Variants in NUP214 observed in about 807,000 individuals in gnomAD.
NUP214 encodes nucleoporin 214.
NUP214 carries 79 observed loss-of-function variants against 196.2 expected under a neutral mutation model. The ratio of observed to expected loss-of-function variants is 0.40; its 90% confidence interval spans 0.34 to 0.49. The LOEUF (loss-of-function observed/expected upper bound fraction) is 0.49. Among genes scored for constraint, NUP214 ranks in the 20% least tolerant of loss-of-function variants. NUP214 has a pLI of 0.58. For missense variants in NUP214, 2,468 were observed against 2,539.0 expected (o/e 0.97, Z 0.60); for synonymous variants, 1,020 against 990.5 (o/e 1.03, Z -0.56).
Position 131,174,660 on chromosome 9 carries a change from G to T in NUP214, c.3157+342G>T, listed in dbSNP as rs902613668. On this transcript the variant is annotated intron_variant, in intron 22 of 35. Coordinates refer to ENST00000359428, the MANE Select transcript of NUP214 (RefSeq NM_005085.4). ...GACGGGGTTTCACCATGTTGTGTTG[G>T]CCAGGCTGGTCTCAAACTCCTGACC... Among the ~76,000 whole-genome samples, 7 of 151,778 alleles carry T rather than the reference G, an allele frequency of 4.6e-5. No homozygotes were observed. In the East Asian group the frequency reaches 1.4e-3, roughly 29 times the overall value.
chr9:131,153,350 A>G (rs1832329701), intron 17 of NUP214: 1 of 151,980 alleles, frequency 6.6e-6, no homozygotes, highest in Admixed American at 6.6e-5. Context: ...AACTTACTGA[A>G]AATTAAAAAA....
rs545444168 is a variant in NUP214 at position 131,170,087 on chromosome 9, C to G, written c.2894-3968C>G. ...ACGTTCTGGAGATAGATGGTAGTCA[C>G]GGTTATACAACATTAGGAATGTATT... On this transcript the variant is annotated intron_variant, in intron 21 of 35. Transcript: ENST00000359428. Among the ~76,000 whole-genome samples, 9 of 151,948 alleles carry G rather than the reference C, an allele frequency of 5.9e-5. No homozygotes were observed. In the South Asian group the frequency reaches 1.9e-3, roughly 32 times the overall value.
intron 21 of NUP214, among the ~76,000 whole-genome samples, chr9:131,171,596 A>G (rs926035027): frequency 1.4e-5 from 2 of 148,018 alleles, no homozygotes; most frequent in Non-Finnish European, 3.0e-5. Context: ...GTACATGTGC[A>G]CAATGTGCAG....
chr9:131,136,826 TAG>T lies in NUP214; in HGVS notation c.1005+825_1005+826del, dbSNP rs774292364. The T allele has an allele frequency of 7.9e-5, 12 of 152,358 alleles. No individual in the cohort carries two copies. In the East Asian group the frequency reaches 1.9e-3, roughly 24 times the overall value. The allele number at this position is 152,358 out of a possible 1,614,324, so 9.4% of individuals were successfully genotyped here. A position where few individuals can be genotyped will look rare whatever the true frequency, so the allele number is the denominator to read the frequency against. ...ACTTGTAGATTTTGCAGAATGACTG[TAG>T]AGAGGGCACAACGAAAGAAGGGAAA... On this transcript the variant is annotated intron_variant, in intron 9 of 35. Coordinates refer to ENST00000359428, the MANE Select transcript of NUP214 (RefSeq NM_005085.4).
chr9:131,135,038 C>G (rs1476456511), intron 8 of NUP214, 34 bp downstream of exon 8: 2 of 1,411,358 alleles, frequency 1.4e-6, no homozygotes, highest in East Asian at 2.3e-5. Flanking sequence ...CATTCCTGCT[C>G]TCACTGGAAG....
chr9:131,134,952 G>A lies in NUP214; in HGVS notation c.886G>A (p.Gly296Ser). Reference protein sequence around the residue: ...IFVNFMEPCYGSCTERQHHYY... With the variant: ...IFVNFMEPCYSSCTERQHHYY... ...TGTGAACTTTATGGAGCCCTGTTAT[G>A]GCAGCTGCACGGAGAGACAGCATCA... The change falls in exon 8 of 36, where the codon GGC (glycine) becomes AGC (serine). Residue 296 changes from glycine (G) to serine (S), a missense_variant. Gly to Ser is a moderately conservative substitution (Grantham distance 56, BLOSUM62 0). This residue lies in a region of NUP214 where 392 missense variants were observed against 417.9 expected (regional missense o/e 0.94). Coordinates refer to ENST00000359428, the MANE Select transcript of NUP214 (RefSeq NM_005085.4). The A allele has an allele frequency of 1.9e-6, 3 of 1,613,962 alleles. No individual in the cohort carries two copies. The highest frequency in any genetic ancestry group is 2.5e-6 in the Non-Finnish European group (3 of 1,179,946).
chr9:131,164,545 A>AT (rs1317332306), intron 21 of NUP214: 1 of 157,032 alleles, frequency 6.4e-6, no homozygotes, highest in African/African-American at 2.4e-5. Flanking sequence ...GGAAAAAGGC[A>AT]TTTTAAAAAA....
chr9:131,141,170 T>C (rs2148661), intron 11 of NUP214, among the ~76,000 whole-genome samples: 40,641 of 150,786 alleles, frequency 0.27, 5,781 homozygotes, highest in East Asian at 0.41. Flanking sequence ...CTTTGTGATC[T>C]TTTCTGTATG....
intron 1 of NUP214, among the ~76,000 whole-genome samples, chr9:131,127,276 G>T (rs1831389717): frequency 6.6e-6 from 1 of 152,094 alleles, no homozygotes; most frequent in African/African-American, 2.4e-5. Flanking sequence ...CCAGCTACTT[G>T]GGAGTCTGAA....
chr9:131,174,536 C>A (rs1293178645), intron 22 of NUP214, among the ~76,000 whole-genome samples: 1 of 146,662 alleles, frequency 6.8e-6, no homozygotes, highest in Admixed American at 7.1e-5. Flanking sequence ...GCAACATCCA[C>A]CTCCTGGGTT....
At chr9:131,132,006 A>T (rs1461777156) in intron 5 of NUP214, among the ~76,000 whole-genome samples, 1 of 150,902 alleles carries the variant, frequency 6.6e-6, no homozygotes, top group Non-Finnish European at 1.5e-5. Flanking sequence ...ACTATTGATG[A>T]TTGTCTGCAT....
chr9:131,137,874 C>G (rs1488956373), intron 9 of NUP214, among the ~76,000 whole-genome samples: 2 of 152,084 alleles, frequency 1.3e-5, no homozygotes, highest in African/African-American at 4.8e-5. Context: ...TGATCTTCCA[C>G]TTTGTGAGAG....
chr9:131,162,148 T>C (rs191768822), intron 18 of NUP214, among the ~76,000 whole-genome samples: 2 of 152,302 alleles, frequency 1.3e-5, no homozygotes, highest in Admixed American at 6.5e-5. Context: ...CTGACTACTA[T>C]AGACAATTGT....
intron 23 of NUP214, 196 bp downstream of exon 23, chr9:131,175,817 A>G: frequency 1.3e-6 from 1 of 786,634 alleles, no homozygotes. Context: ...TTTGCTTTTA[A>G]GGGGAGGGAT....
intron 3 of NUP214, 37 bp from the exon 4 acceptor site, chr9:131,129,242 G>A (rs779568853): frequency 3.0e-5 from 46 of 1,542,624 alleles, no homozygotes; most frequent in South Asian, 2.2e-5. Context: ...TTTACTATTT[G>A]TTAACTTATT....
At chr9:131,209,792 G>A (rs918459806) in intron 30 of NUP214, among the ~76,000 whole-genome samples, 4 of 152,114 alleles carry the variant, frequency 2.6e-5, no homozygotes, top group Non-Finnish European at 5.9e-5. Flanking sequence ...GCTCTCCCCC[G>A]CTAATCCTCC....
intron 5 of NUP214, 95 bp downstream of exon 5, chr9:131,130,931 G>A: frequency 1.1e-6 from 1 of 907,672 alleles, no homozygotes; most frequent in South Asian, 1.4e-5. Flanking sequence ...CTATTAAAAA[G>A]TAATTTATAC....
intron 30 of NUP214, among the ~76,000 whole-genome samples, chr9:131,203,318 CG>C (rs1470905552): frequency 1.3e-5 from 2 of 152,094 alleles, no homozygotes; most frequent in Non-Finnish European, 2.9e-5. Context: ...CGATTATTAT[CG>C]CCATTTAAGA....
chr9:131,150,802 C>A, intron 16 of NUP214, 37 bp downstream of exon 16: 1 of 1,576,444 alleles, frequency 6.3e-7, no homozygotes. Context: ...AGTTGAATTG[C>A]ATTTAACAAT....
Sources: allele counts gnomAD v4.1 joint callset (sites outside exome capture counted in the v4.1 genomes callset), GRCh38; gene constraint gnomAD v4.1.1; regional missense constraint gnomAD v4.1.1; transcripts MANE v1.5; gene names NCBI Gene and HGNC (gene_info 2026-07-23, HGNC 2026-07-21).